EPB42: variants seen among roughly 807,000 people sequenced by gnomAD.
EPB42 encodes the protein protein 4.2.
In EPB42, 49 loss-of-function variants were observed where a neutral mutation model predicts 76.9. The observed-to-expected ratio is 0.64, with a 90% confidence interval of 0.51 to 0.81. The LOEUF is 0.81. Ranked by LOEUF, EPB42 falls within the 30% of genes least tolerant of loss-of-function variation. The probability of loss-of-function intolerance (pLI) is 0.00; values close to 1 mark genes in which losing one functional copy is unlikely to be tolerated. For synonymous variants in EPB42, 310 were observed against 338.4 expected, an observed-to-expected ratio of 0.92 and a Z score of 0.92; for missense variants, 731 against 867.6, an observed-to-expected ratio of 0.84 and a Z score of 1.98.
intron 2 of EPB42, 76 bp downstream of exon 2, chr15:43,216,192 T>A: frequency 6.4e-7 from 1 of 1,568,606 alleles, no homozygotes; most frequent in Non-Finnish European, 8.7e-7. Flanking sequence ...GTCCCTTGAT[T>A]CCCTAACAGG....
intron 1 of EPB42, among the ~76,000 whole-genome samples, chr15:43,217,906 T>C (rs1016259881): frequency 6.6e-6 from 1 of 152,332 alleles, no homozygotes; most frequent in Admixed American, 6.5e-5. Context: ...ATGGGGATGA[T>C]AGAAGATGCC....
At position 43,212,285 on chromosome 15, in the gene EPB42, C is replaced by G. The variant is rs147069777; in HGVS notation, c.431-751G>C. On this transcript the variant is annotated intron_variant, in intron 3 of 12. Coordinates refer to ENST00000441366, the MANE Select transcript of EPB42 (RefSeq NM_001114134.2). ...TTGGGAGGCTAAGGCAGAAGAATCT[C>G]TTGAATCCAGGAGGCGGAGGCTGCA... Among the ~76,000 whole-genome samples, 650 of 148,212 alleles carry G rather than the reference C, an allele frequency of 4.4e-3. 2 individuals are homozygous for G. The highest frequency in any genetic ancestry group is 0.015 in the African/African-American group (621 of 40,118).
rs548599584 is a variant in EPB42 at position 43,203,975 on chromosome 15, G to A, written c.1619-700C>T. 2.6e-5 allele frequency among the ~76,000 whole-genome samples: 4 copies of A among 152,284 alleles called. No homozygotes were observed. The East Asian group carries it at 5.8e-4, about 22-fold the overall frequency. ...TATTCTAGTTGTCTCATATCCCCAA[G>A]CATAGCACTATCAATTTTAACCCAT... On this transcript the variant is annotated intron_variant, in intron 10 of 12. Transcript: ENST00000441366.
At position 43,206,147 on chromosome 15, in the gene EPB42, C is replaced by G; in HGVS notation, c.1618+183G>C. On this transcript the variant is annotated intron_variant, in intron 10 of 12. Transcript: ENST00000441366. This position sits in a 1 kb window ranked among gnomAD's most constrained non-coding sequence, Gnocchi z 4.7. ...CTGCAGTTGGCATCGTGTTTTTTTC[C>G]TGCTTCAGGCCCAATAAATATGTGT... 1 of 643,090 alleles carries G rather than the reference C, an allele frequency of 1.6e-6. No homozygotes were observed. The allele number at this position is 643,090 out of a possible 1,614,324, so 39.8% of individuals were successfully genotyped here.
chr15:43,203,056 T>G, intron 11 of EPB42, 59 bp downstream of exon 11: 5 of 1,603,632 alleles, frequency 3.1e-6, no homozygotes, highest in East Asian at 2.2e-5. Context: ...GGATTCCTTC[T>G]GAAATGGGGA....
chr15:43,212,369 C>CAAAAAAAAA (rs35031544), intron 3 of EPB42, among the ~76,000 whole-genome samples: 1 of 86,904 alleles, frequency 1.2e-5, no homozygotes, highest in East Asian at 3.0e-4. Context: ...AACTCCGTCT[C>CAAAAAAAAA]AAAAAAAAAA....
chr15:43,206,627 A>T lies in EPB42; in HGVS notation c.1321T>A (p.Ser441Thr). The change falls in exon 10 of 13, where the codon TCT becomes ACT. Residue 441 changes from serine to threonine, a missense_variant and splice_region_variant. Transcript: ENST00000441366. This position sits in a 1 kb window ranked among gnomAD's most constrained non-coding sequence, Gnocchi z 4.7. ...ITQNYKYPEGSLQEKEVLERV... is the reference protein window; with the variant it reads ...ITQNYKYPEGTLQEKEVLERV... ...TCCAGCACCTCTTTTTCCTGAAGAG[A>T]CCCTGGAGAAGGGAAGAAACAAAGC... is the stretch of plus-strand genomic sequence containing the variant. The T allele has an allele frequency of 6.2e-7, 1 of 1,613,990 alleles. No homozygotes were observed. Among genetic ancestry groups the T allele is most frequent in the Non-Finnish European group, 8.5e-7 (1 of 1,179,980 alleles).
At chr15:43,225,166 A>G (rs2094934177), upstream of EPB42, among the ~76,000 whole-genome samples, 1 of 152,236 alleles carries the variant, frequency 6.6e-6, no homozygotes, top group African/African-American at 2.4e-5. Context: ...TGGGGAGAAT[A>G]TATATGAATT....
At chr15:43,208,809 T>A (rs1453974065) in intron 6 of EPB42, 34 bp from the exon 7 acceptor site, 2 of 1,609,756 alleles carry the variant, frequency 1.2e-6, no homozygotes, top group Non-Finnish European at 1.7e-6. Flanking sequence ...CAGGGGGCGC[T>A]TGAGAGACCG....
At chr15:43,203,016 G>T (rs1206008132) in intron 11 of EPB42, 99 bp downstream of exon 11, 1 of 1,435,126 alleles carries the variant, frequency 7.0e-7, no homozygotes, top group Non-Finnish European at 9.8e-7. Flanking sequence ...TGGTAATCTT[G>T]CAGCACAGTC....
Position 43,203,089 on chromosome 15 carries a change from C to T in EPB42, c.1779+26G>A, listed in dbSNP as rs2042149934. 4 of 1,613,672 alleles carry T rather than the reference C, an allele frequency of 2.5e-6. No individual in the cohort carries two copies. The African/African-American group carries it at 5.3e-5, about 22-fold the overall frequency. On this transcript the variant is annotated intron_variant, in intron 11 of 12. Transcript: ENST00000441366. ...GGACCTGAGTGGTGGCAGACGAGGGCAACTCAGGGGAGGACTGGTGCCTAC... is the reference window on the plus strand; with the variant it reads ...GGACCTGAGTGGTGGCAGACGAGGGTAACTCAGGGGAGGACTGGTGCCTAC...
rs113768282 is a variant in EPB42 at position 43,215,269 on chromosome 15, C to T, written c.256G>A (p.Asp86Asn). ...ACCACTGCACTCCACCACTTTCGGT[C>T]CCCCAGACTGGAAATTGGGAATGTG... ...QATFPISSLG[D>N]RKWWSAVVEE... Residue 86 changes from aspartate (D) to asparagine (N), a missense_variant, in exon 3 of 13, where the codon GAC becomes AAC. Physicochemically the swap from Asp to Asn is conservative, Grantham distance 23. Transcript: ENST00000441366. 1.2e-6 allele frequency: 2 copies of T among 1,614,196 alleles called. No homozygotes were observed. Among genetic ancestry groups the T allele is most frequent in the East Asian group, 2.2e-5 (1 of 44,884 alleles).
At chr15:43,216,852 A>G (rs1567283457) in intron 1 of EPB42, among the ~76,000 whole-genome samples, 1 of 152,198 alleles carries the variant, frequency 6.6e-6, no homozygotes, top group Non-Finnish European at 1.5e-5. Flanking sequence ...TTTTTCTTAG[A>G]GCACAATCAG....
In EPB42 at chr15:43,210,423, A is replaced by G; in HGVS notation, c.566T>C (p.Ile189Thr). 6.2e-7 allele frequency: 1 copy of G among 1,613,764 alleles called. No individual in the cohort carries two copies. The highest frequency in any genetic ancestry group is 1.1e-5 in the South Asian group (1 of 91,078). The part of the protein sequence containing the change: ...WDFGQFEGDV[I>T]DLSLRLLSKD... ...GCTCAGCAAGCGCAGGCTGAGGTCAATGACATCCCCCTCGAACTGTTAAGG... is the reference window on the plus strand; with the variant it reads ...GCTCAGCAAGCGCAGGCTGAGGTCAGTGACATCCCCCTCGAACTGTTAAGG... The change falls in exon 5 of 13, where the codon ATT (isoleucine) becomes ACT (threonine). Residue 189 changes from isoleucine (I) to threonine (T), a missense_variant. Physicochemically the swap from Ile to Thr is moderately conservative, Grantham distance 89. Coordinates refer to ENST00000441366, the MANE Select transcript of EPB42 (RefSeq NM_001114134.2).
chr15:43,216,574 G>A, intron 1 of EPB42, 121 bp from the exon 2 acceptor site: 13 of 1,083,894 alleles, frequency 1.2e-5, no homozygotes, highest in Non-Finnish European at 1.8e-5. Flanking sequence ...CGTTTTAGCT[G>A]CGCAATCCCA....
chr15:43,221,594 T>C (rs1566821988), upstream of EPB42, among the ~76,000 whole-genome samples: 2 of 152,106 alleles, frequency 1.3e-5, no homozygotes, highest in Non-Finnish European at 2.9e-5. Flanking sequence ...TATTTGGCCC[T>C]ACCTGGGCTT....
At chr15:43,203,008 G>C in intron 11 of EPB42, 107 bp downstream of exon 11, 1 of 1,379,964 alleles carries the variant, frequency 7.2e-7, no homozygotes, top group Non-Finnish European at 1.0e-6. Flanking sequence ...GCATTTTCTG[G>C]TAATCTTGCA....
upstream of EPB42, chr15:43,221,220 G>T: frequency 3.1e-6 from 1 of 322,378 alleles, no homozygotes. Flanking sequence ...TCTCAGAGAT[G>T]TTATCTGGAC....
intron 3 of EPB42, among the ~76,000 whole-genome samples, chr15:43,213,037 A>C (rs2042324236): frequency 6.6e-6 from 1 of 152,166 alleles, no homozygotes; most frequent in Non-Finnish European, 1.5e-5. Flanking sequence ...TCTGGGGCCT[A>C]AAATTACAGA....
Sources: allele counts gnomAD v4.1 joint callset (sites outside exome capture counted in the v4.1 genomes callset), GRCh38; gene constraint gnomAD v4.1.1; non-coding constraint Gnocchi (gnomAD v3.1); transcripts MANE v1.5; gene names NCBI Gene and HGNC (gene_info 2026-07-23, HGNC 2026-07-21).